Variants in UBA5 observed in about 807,000 individuals in gnomAD.
UBA5 encodes the protein ubiquitin-like modifier-activating enzyme 5.
UBA5 carries 28 observed loss-of-function variants against 52.9 expected under a neutral mutation model. That is an observed-to-expected ratio of 0.53 (90% CI 0.39 to 0.73). The LOEUF (loss-of-function observed/expected upper bound fraction) is 0.73, where lower values mean the gene tolerates loss of function less well. Among genes scored for constraint, UBA5 ranks in the 30% least tolerant of loss-of-function variants. UBA5 has a pLI of 0.00. For missense variants in UBA5, 388 were observed against 492.7 expected (o/e 0.79, Z 2.01); for synonymous variants, 135 against 162.1 (o/e 0.83, Z 1.27).
rs750392733 is a variant in UBA5 at position 132,676,532 on chromosome 3, G to A, written c.*6G>A. The A allele has an allele frequency of 1.1e-5, 17 of 1,593,634 alleles. No homozygotes were observed. Among genetic ancestry groups the A allele is most frequent in the Non-Finnish European group, 1.5e-5 (17 of 1,169,074 alleles). On this transcript the variant is annotated 3_prime_UTR_variant, in exon 12 of 12. Transcript: ENST00000356232. The surrounding 1 kb of genome is among the most constrained non-coding windows in gnomAD (Gnocchi z 4.1). ...CCAAAATGAAGAATATGTAGATAAT[G>A]GACTGGGATATATTGTATTTCTCAT...
chr3:132,663,287 A>C (rs1045365565), intron 1 of UBA5, among the ~76,000 whole-genome samples: 3 of 152,040 alleles, frequency 2.0e-5, no homozygotes, highest in Non-Finnish European at 4.4e-5. Flanking sequence ...CAGATCCCCT[A>C]CTCCACTGTG....
rs1435510105 is a variant in UBA5, at chr3:132,678,607, C to G, written c.*2081C>G. 6.6e-6 allele frequency among the ~76,000 whole-genome samples: 1 copy of G among 152,154 alleles called. No individual in the cohort carries two copies. The highest frequency in any genetic ancestry group is 1.9e-4 in the East Asian group (1 of 5,198). Reference sequence around the variant, plus strand: ...TAAAAATACTCCCTGGATACGTACACTGAACAACACAAAAAACGTAATGGC... The same window carrying G: ...TAAAAATACTCCCTGGATACGTACAGTGAACAACACAAAAAACGTAATGGC... On this transcript the variant is annotated 3_prime_UTR_variant, in exon 12 of 12. Coordinates refer to ENST00000356232, the MANE Select transcript of UBA5 (RefSeq NM_024818.6).
chr3:132,670,129 A>G (rs1189313963), intron 4 of UBA5, 69 bp from the exon 5 acceptor site: 1 of 771,104 alleles, frequency 1.3e-6, no homozygotes, highest in Non-Finnish European at 2.2e-6. Context: ...GACTCAAGTA[A>G]TCCTCCCACC....
intron 3 of UBA5, 71 bp from the exon 4 acceptor site, chr3:132,668,743 GCTCT>G (rs993886810): frequency 6.9e-5 from 62 of 896,288 alleles, no homozygotes; most frequent in African/African-American, 6.5e-4. Context: ...TAAATGTAAA[GCTCT>G]CTAATTTATT....
chr3:132,676,726 A>G lies in UBA5; in HGVS notation c.*200A>G. ...CATTAACTCTCCTAAAATGTGTTTC[A>G]TTCTAGTAAGAAAACCTCAAAGGAT... On this transcript the variant is annotated 3_prime_UTR_variant, in exon 12 of 12. Transcript: ENST00000356232. The surrounding 1 kb of genome is among the most constrained non-coding windows in gnomAD (Gnocchi z 4.1). The G allele has an allele frequency of 3.3e-6, 2 of 610,622 alleles. No individual in the cohort carries two copies. The highest frequency in any genetic ancestry group is 3.2e-5 in the South Asian group (2 of 62,926). 37.8% of individuals were successfully genotyped at this position (610,622 alleles called of 1,614,324 possible).
intron 8 of UBA5, among the ~76,000 whole-genome samples, chr3:132,672,605 A>T (rs930376779): frequency 3.9e-5 from 6 of 152,190 alleles, no homozygotes; most frequent in African/African-American, 1.4e-4. Context: ...TCTTACCAAA[A>T]ATAAACCAAT....
chr3:132,659,652 A>G, upstream of UBA5: 5 of 1,611,578 alleles, frequency 3.1e-6, no homozygotes, highest in Middle Eastern at 1.7e-4. Context: ...CCAAAGCCAG[A>G]CAAGTGCTGG....
upstream of UBA5, among the ~76,000 whole-genome samples, chr3:132,655,924 A>G (rs1034006732): frequency 6.6e-6 from 1 of 152,250 alleles, no homozygotes; most frequent in East Asian, 1.9e-4. Context: ...TTAAAAGTAA[A>G]TCTTGCAGAT....
In UBA5 at chr3:132,660,390, C is replaced by A. The variant is rs1576636065; in HGVS notation, c.-148C>A. 1.0e-6 allele frequency: 1 copy of A among 1,004,468 alleles called. No individual in the cohort carries two copies. The highest frequency in any genetic ancestry group is 2.6e-5 in the East Asian group (1 of 37,782). 62.2% of individuals were successfully genotyped at this position (1,004,468 alleles called of 1,614,324 possible). ...CTCGGAGACGTGTCTGTCTGTGAGG[C>A]GCTGGGTGCACGTCCCCAGGGCTCT... On this transcript the variant is annotated 5_prime_UTR_variant, in exon 1 of 12. Transcript: ENST00000356232. This position sits in a 1 kb window ranked among gnomAD's most constrained non-coding sequence, Gnocchi z 4.1.
upstream of UBA5, among the ~76,000 whole-genome samples, chr3:132,659,181 A>T (rs747398257): frequency 7.9e-5 from 12 of 152,130 alleles, no homozygotes; most frequent in Non-Finnish European, 1.2e-4. Context: ...TCGAATTCGG[A>T]TCCTCCATCT....
intron 8 of UBA5, 90 bp from the exon 9 acceptor site, chr3:132,675,158 C>T: frequency 6.8e-6 from 6 of 886,238 alleles, no homozygotes; most frequent in South Asian, 2.0e-5. Flanking sequence ...ATATAATTAC[C>T]TATTTCAACG....
At position 132,679,096 on chromosome 3, in the gene UBA5, C is replaced by T. The variant is rs569202127; in HGVS notation, c.*2570C>T. On this transcript the variant is annotated 3_prime_UTR_variant, in exon 12 of 12. Coordinates refer to ENST00000356232, the MANE Select transcript of UBA5 (RefSeq NM_024818.6). Reference sequence around the variant, plus strand: ...CAGCCTGACCAACATGGCAAAACCCCGTCTCTACTAAAAATACAAAAATTA... The same window carrying T: ...CAGCCTGACCAACATGGCAAAACCCTGTCTCTACTAAAAATACAAAAATTA... Among the ~76,000 whole-genome samples, 3 of 151,758 alleles carry T rather than the reference C, an allele frequency of 2.0e-5. No homozygotes were observed. In the East Asian group the frequency reaches 5.9e-4, roughly 30 times the overall value.
intron 1 of UBA5, among the ~76,000 whole-genome samples, chr3:132,662,450 G>A (rs1188795127): frequency 1.3e-5 from 2 of 152,156 alleles, no homozygotes; most frequent in South Asian, 2.1e-4. Flanking sequence ...GAGATAAATA[G>A]AAAAGTAAAC....
intron 8 of UBA5, among the ~76,000 whole-genome samples, chr3:132,674,003 A>C (rs1280697631): frequency 6.6e-6 from 1 of 152,206 alleles, no homozygotes; most frequent in Non-Finnish European, 1.5e-5. Flanking sequence ...TTCTGAATTT[A>C]CGAAATATTT....
rs1938104897 is a variant in UBA5, at chr3:132,660,648, G to C, written c.111G>C (p.Arg37=). 2 of 1,572,734 alleles carry C rather than the reference G, an allele frequency of 1.3e-6. No individual in the cohort carries two copies. The highest frequency in any genetic ancestry group is 8.6e-7 in the Non-Finnish European group (1 of 1,159,606). Residue 37 remains arginine (R), a synonymous_variant, in exon 1 of 12, where the codon CGG becomes CGC. Transcript: ENST00000356232. This position sits in a 1 kb window ranked among gnomAD's most constrained non-coding sequence, Gnocchi z 4.1. ...GGAGCGGCGACGGAGGGGGCGGCCG[G>C]GTCCGCATCGAGAAGATGAGCTCAG... ...VPRSGDGGGG[R]VRIEKMSSEV...
chr3:132,670,971 T>C lies in UBA5; in HGVS notation c.501T>C (p.Gly167=), dbSNP rs1342124245. ...FQHFMDRISN[G]GLEEGKPVDL... ...ACTTATTTTCTTTGACTAGTAATGG[T>C]GGGTTAGAAGAAGGAAAACCTGTTG... The change falls in exon 6 of 12, where the codon GGT becomes GGC. Residue 167 remains glycine (G), a synonymous_variant. Coordinates refer to ENST00000356232, the MANE Select transcript of UBA5 (RefSeq NM_024818.6). 6 of 1,613,098 alleles carry C rather than the reference T, an allele frequency of 3.7e-6. No individual in the cohort carries two copies. The highest frequency in any genetic ancestry group is 2.2e-5 in the East Asian group (1 of 44,744).
At chr3:132,656,450 A>G (rs13070107), upstream of UBA5, among the ~76,000 whole-genome samples, 3 of 151,382 alleles carry the variant, frequency 2.0e-5, no homozygotes, top group Admixed American at 6.6e-5. Flanking sequence ...TCACACCCCT[A>G]TATGAGTCCC....
At chr3:132,670,382 G>T (rs1938549312) in intron 5 of UBA5, 98 bp downstream of exon 5, 2 of 551,262 alleles carry the variant, frequency 3.6e-6, no homozygotes, top group African/African-American at 2.0e-5. Flanking sequence ...ATGGAAGATT[G>T]ATATATATTT....
At chr3:132,658,199 T>C (rs901351290), upstream of UBA5, among the ~76,000 whole-genome samples, 1 of 152,170 alleles carries the variant, frequency 6.6e-6, no homozygotes, top group African/African-American at 2.4e-5. Context: ...ATTGATTCTT[T>C]TGAGTTTCTG....
Sources: allele counts gnomAD v4.1 joint callset (sites outside exome capture counted in the v4.1 genomes callset), GRCh38; gene constraint gnomAD v4.1.1; non-coding constraint Gnocchi (gnomAD v3.1); transcripts MANE v1.5; gene names NCBI Gene and HGNC (gene_info 2026-07-23, HGNC 2026-07-21).